Variants in MRTFB observed in about 807,000 individuals in gnomAD.
MRTFB encodes myocardin related transcription factor B.
In MRTFB, 29 loss-of-function variants were observed where a neutral mutation model predicts 104.2. The observed-to-expected ratio is 0.28, with a 90% CI of 0.21 to 0.38. The LOEUF (loss-of-function observed/expected upper bound fraction) is 0.38, where lower values mean the gene tolerates loss of function less well. Ranked by LOEUF, MRTFB falls within the 10% of genes least tolerant of loss-of-function variation. The probability of loss-of-function intolerance (pLI) is 1.00; values close to 1 mark genes in which losing one functional copy is unlikely to be tolerated. For missense variants in MRTFB, 1,270 were observed against 1,341.6 expected (o/e 0.95, Z 0.83); for synonymous variants, 535 against 519.5 (o/e 1.03, Z -0.41).
At chr16:13,995,476 T>C in the MRTFB span, among the ~76,000 whole-genome samples, 1 of 152,222 alleles carries the variant, frequency 6.6e-6, no homozygotes, top group East Asian at 1.9e-4. Flanking sequence ...TTTAGTGACC[T>C]CAAGAACTGG....
At chr16:14,031,359 G>A in the MRTFB span, among the ~76,000 whole-genome samples, 5 of 149,398 alleles carry the variant, frequency 3.3e-5, no homozygotes, top group African/African-American at 4.9e-5. Context: ...GTGCCACTGC[G>A]CCCCAGCCTG....
the MRTFB span, among the ~76,000 whole-genome samples, chr16:14,046,060 G>A: frequency 1.3e-5 from 2 of 152,138 alleles, no homozygotes; most frequent in Admixed American, 6.5e-5. Flanking sequence ...AAGGCAATTA[G>A]GAAAGAAAAA....
In MRTFB at chr16:14,089,706, C is replaced by A. The variant is rs539916681; in HGVS notation, c.-64+10352C>A. On this transcript the variant is annotated intron_variant, in intron 2 of 16. Coordinates refer to ENST00000571589, the MANE Select transcript of MRTFB (RefSeq NM_001308142.2). ...TTTAACTTTTTGAGGAAATGCCCAA[C>A]TGTTTTCCAAAGTGCTTTTGTGTGA... Among the ~76,000 whole-genome samples the A allele has an allele frequency of 1.7e-4, 26 of 152,286 alleles. No homozygotes were observed. The East Asian group carries it at 5.0e-3, about 29-fold the overall frequency.
intron 2 of MRTFB, among the ~76,000 whole-genome samples, chr16:14,136,089 G>A (rs1392563030): frequency 2.0e-5 from 3 of 152,036 alleles, no homozygotes; most frequent in Non-Finnish European, 2.9e-5. Flanking sequence ...TGGCCAACAT[G>A]GTGAGATCCC....
chr16:14,004,456 G>C, the MRTFB span, among the ~76,000 whole-genome samples: 1 of 152,192 alleles, frequency 6.6e-6, no homozygotes, highest in African/African-American at 2.4e-5. Flanking sequence ...TGTGGGTCGG[G>C]TGGAAGTGGC....
chr16:14,012,299 CTT>C, the MRTFB span, among the ~76,000 whole-genome samples: 2 of 104,572 alleles, frequency 1.9e-5, no homozygotes, highest in Admixed American at 1.0e-4. Flanking sequence ...TTCTTTCTTT[CTT>C]TTTTTTTTTT....
intron 8 of MRTFB, among the ~76,000 whole-genome samples, chr16:14,232,504 C>T (rs750378861): frequency 2.6e-5 from 4 of 152,218 alleles, no homozygotes; most frequent in Admixed American, 6.5e-5. Context: ...CTTAGATGAG[C>T]CCTTTCCCTT....
rs2043951123 is a variant in MRTFB at position 14,266,459 on chromosome 16, A to G, written c.*5015A>G. The G allele has an allele frequency of 6.6e-6, 1 of 152,228 alleles. No individual in the cohort carries two copies. Among genetic ancestry groups the G allele is most frequent in the Non-Finnish European group, 1.5e-5 (1 of 68,036 alleles). The allele number at this position is 152,228 out of a possible 1,614,324, so 9.4% of individuals were successfully genotyped here. The stretch of plus-strand genomic sequence containing the variant: ...TCTACAGAGCCCTGCTTGTTGAAGC[A>G]CTAGTTTAATCAACAAAAAATTATG... On this transcript the variant is annotated 3_prime_UTR_variant, in exon 17 of 17. Coordinates refer to ENST00000571589, the MANE Select transcript of MRTFB (RefSeq NM_001308142.2).
chr16:14,039,274 A>G, the MRTFB span, among the ~76,000 whole-genome samples: 1 of 152,184 alleles, frequency 6.6e-6, no homozygotes, highest in African/African-American at 2.4e-5. Flanking sequence ...TCCTCACAAC[A>G]TGGCTGGCTT....
intron 13 of MRTFB, among the ~76,000 whole-genome samples, chr16:14,249,799 T>C (rs2151422547): frequency 6.6e-6 from 1 of 152,310 alleles, no homozygotes; most frequent in African/African-American, 2.4e-5. Context: ...ACCTTGAAAA[T>C]TATTAATCCC....
intron 7 of MRTFB, 79 bp downstream of exon 7, chr16:14,217,366 G>T: frequency 4.9e-6 from 6 of 1,232,616 alleles, no homozygotes; most frequent in Non-Finnish European, 6.7e-6. Context: ...TAATTTAAAG[G>T]CTAGCACCGA....
At chr16:14,082,065 T>G (rs951092479) in intron 2 of MRTFB, among the ~76,000 whole-genome samples, 2 of 152,252 alleles carry the variant, frequency 1.3e-5, no homozygotes, top group African/African-American at 2.4e-5. Context: ...TTTGTCAGTT[T>G]GTGCTTTTAT....
intron 3 of MRTFB, chr16:14,200,820 G>C (rs2040667022): frequency 6.8e-7 from 1 of 1,471,380 alleles, no homozygotes; most frequent in African/African-American, 1.4e-5. Flanking sequence ...AGTGGTTGGC[G>C]GTGGTTATCG....
chr16:14,255,780 G>A (rs1012975066), intron 15 of MRTFB, among the ~76,000 whole-genome samples: 50 of 151,806 alleles, frequency 3.3e-4, no homozygotes, highest in African/African-American at 1.1e-3. Context: ...CATATCTATA[G>A]TAACAATTTA....
In MRTFB at chr16:14,245,679, G is replaced by A. The variant is rs763659632; in HGVS notation, c.1212+19G>A. Reference sequence around the variant, plus strand: ...CTTAAAGGTGACAATTGCAACTGGAGCTTATTCACCCCTAAGTACCACAAA... The same window carrying A: ...CTTAAAGGTGACAATTGCAACTGGAACTTATTCACCCCTAAGTACCACAAA... On this transcript the variant is annotated intron_variant, in intron 11 of 16. Transcript: ENST00000571589. 1 of 1,603,752 alleles carries A rather than the reference G, an allele frequency of 6.2e-7. No homozygotes were observed. Among genetic ancestry groups the A allele is most frequent in the Non-Finnish European group, 8.5e-7 (1 of 1,177,406 alleles).
chr16:14,235,867 A>T (rs977255619), intron 9 of MRTFB, among the ~76,000 whole-genome samples: 1 of 152,194 alleles, frequency 6.6e-6, no homozygotes, highest in Non-Finnish European at 1.5e-5. Context: ...CATTCTTATG[A>T]TCAGTTTTAA....
At chr16:14,008,004 A>T in the MRTFB span, among the ~76,000 whole-genome samples, 1 of 151,936 alleles carries the variant, frequency 6.6e-6, no homozygotes, top group African/African-American at 2.4e-5. Flanking sequence ...ATTTGTGAAA[A>T]TTTTCTCTCA....
rs1394316123 is a variant in MRTFB at position 14,246,659 on chromosome 16, G to A, written c.1399G>A (p.Val467Ile). 5.0e-6 allele frequency: 8 copies of A among 1,613,964 alleles called. No homozygotes were observed. Among genetic ancestry groups the A allele is most frequent in the Non-Finnish European group, 5.9e-6 (7 of 1,180,044 alleles). ...CCCAGAAGTCACTGTGGCCTTGCCG[G>A]TTACAACACTACACAACACTGTGAC... ...SNPEVTVALP[V>I]TTLHNTVTSS... The change falls in exon 12 of 17, where the codon GTT (valine) becomes ATT (isoleucine). Residue 467 changes from valine (V) to isoleucine (I), a missense_variant. Transcript: ENST00000571589.
rs1293035995 is a variant in MRTFB, at chr16:14,265,040, G to T, written c.*3596G>T. On this transcript the variant is annotated 3_prime_UTR_variant, in exon 17 of 17. Coordinates refer to ENST00000571589, the MANE Select transcript of MRTFB (RefSeq NM_001308142.2). Reference sequence around the variant, plus strand: ...AGACGTGGTAAAGCACTTTGGCAGGGTTTAAAATATTTGTGAGAAGCCCAC... The same window carrying T: ...AGACGTGGTAAAGCACTTTGGCAGGTTTTAAAATATTTGTGAGAAGCCCAC... 6.6e-6 allele frequency: 1 copy of T among 152,310 alleles called. No homozygotes were observed. Among genetic ancestry groups the T allele is most frequent in the South Asian group, 2.1e-4 (1 of 4,826 alleles). The allele number at this position is 152,310 out of a possible 1,614,324, so 9.4% of individuals were successfully genotyped here. A position where few individuals can be genotyped will look rare whatever the true frequency, so the allele number is the denominator to read the frequency against.
Sources: allele counts gnomAD v4.1 joint callset (sites outside exome capture counted in the v4.1 genomes callset), GRCh38; gene constraint gnomAD v4.1.1; transcripts MANE v1.5; gene names NCBI Gene and HGNC (gene_info 2026-07-23, HGNC 2026-07-21).